Variants in TAPBP observed in about 807,000 individuals in gnomAD.
TAPBP encodes tapasin.
A neutral mutation model predicts 45.7 loss-of-function variants in TAPBP; 38 were observed. That is an observed-to-expected ratio of 0.83 (90% CI 0.64 to 1.09). The LOEUF is 1.09. TAPBP is among the 50% of genes least tolerant of loss of function. The pLI, the probability that TAPBP is intolerant of heterozygous loss-of-function variation, is 0.00. For synonymous variants in TAPBP, 226 were observed against 254.8 expected, an observed-to-expected ratio of 0.89 and a Z score of 1.08; for missense variants, 513 against 587.3, an observed-to-expected ratio of 0.87 and a Z score of 1.31.
intron 3 of TAPBP, among the ~76,000 whole-genome samples, chr6:33,309,951 C>T (rs369920900): frequency 3.3e-5 from 5 of 151,310 alleles, no homozygotes; most frequent in South Asian, 2.1e-4. Flanking sequence ...CTTGAACTTT[C>T]GACCTCAGGT....
rs751988644 is a variant in TAPBP, at chr6:33,304,152, G to C, written c.1276C>G (p.Leu426Val). The change falls in exon 6 of 8, where the codon CTC becomes GTC. Residue 426 changes from leucine to valine, a missense_variant. Coordinates refer to ENST00000434618, the MANE Select transcript of TAPBP (RefSeq NM_003190.5). ...CCAGCCCAGCCCAGTGCCTTGAAGA[G>C]CCCAAGCAGAAGAAAGGCAGACAGG... ...LFLSAFLLLGLFKALGWAAVY... is the reference protein window; with the variant it reads ...LFLSAFLLLGVFKALGWAAVY... 6.2e-7 allele frequency: 1 copy of C among 1,613,466 alleles called. No homozygotes were observed.
chr6:33,306,607 C>T (rs909689445), intron 3 of TAPBP, among the ~76,000 whole-genome samples: 4 of 152,242 alleles, frequency 2.6e-5, no homozygotes, highest in Non-Finnish European at 5.9e-5. Flanking sequence ...TATTCTCAGT[C>T]TCTCCTTCAA....
chr6:33,307,874 T>C (rs925269888), intron 3 of TAPBP, among the ~76,000 whole-genome samples: 1 of 152,240 alleles, frequency 6.6e-6, no homozygotes, highest in Non-Finnish European at 1.5e-5. Context: ...GCCTGGCATA[T>C]AGAAAATACT....
At chr6:33,301,886 G>T in intron 7 of TAPBP, 115 bp from the exon 8 acceptor site, 2 of 1,493,626 alleles carry the variant, frequency 1.3e-6, no homozygotes, top group Non-Finnish European at 1.8e-6. Flanking sequence ...AGAAGGATGA[G>T]GCTAATATTT....
chr6:33,304,942 T>G (rs1260519552), intron 4 of TAPBP, 47 bp downstream of exon 4: 1 of 1,603,756 alleles, frequency 6.2e-7, no homozygotes, highest in Non-Finnish European at 8.5e-7. Flanking sequence ...GTCCCCACAA[T>G]CCAGTGCCCA....
At chr6:33,312,977 T>G in intron 3 of TAPBP, 7 of 394,260 alleles carry the variant, frequency 1.8e-5, no homozygotes, top group Non-Finnish European at 2.7e-5. Flanking sequence ...TGCCCGGCCC[T>G]GCTTTCCCCC....
intron 7 of TAPBP, 57 bp from the exon 8 acceptor site, chr6:33,301,828 C>T: frequency 1.2e-6 from 2 of 1,613,660 alleles, no homozygotes; most frequent in Non-Finnish European, 1.7e-6. Context: ...TTGAGGTGTA[C>T]ATGGTCAGTT....
At chr6:33,301,887 G>T in intron 7 of TAPBP, 116 bp from the exon 8 acceptor site, 1 of 1,486,594 alleles carries the variant, frequency 6.7e-7, no homozygotes, top group Non-Finnish European at 9.3e-7. Context: ...GAAGGATGAG[G>T]CTAATATTTT....
chr6:33,312,452 G>A (rs1274184137), intron 3 of TAPBP, among the ~76,000 whole-genome samples: 3 of 152,120 alleles, frequency 2.0e-5, no homozygotes, highest in Non-Finnish European at 2.9e-5. Flanking sequence ...CCCCGCCTCC[G>A]CTGCCAGGAG....
At chr6:33,309,114 G>C (rs973501298) in intron 3 of TAPBP, among the ~76,000 whole-genome samples, 19 of 151,230 alleles carry the variant, frequency 1.3e-4, no homozygotes, top group African/African-American at 4.1e-4. Context: ...AGATCCACAG[G>C]CTGGGCACAG....
rs758388112 is a variant in TAPBP, at chr6:33,313,454, C to T, written c.232G>A (p.Ala78Thr). The T allele has an allele frequency of 1.3e-6, 2 of 1,585,158 alleles. No homozygotes were observed. Among genetic ancestry groups the T allele is most frequent in the Non-Finnish European group, 1.7e-6 (2 of 1,162,456 alleles). ...VHDPAGALQA[A>T]FRRYPRGAPA... ...GCGCCCCGGGGATACCGCCTGAAGG[C>T]AGCCTGGAGGGCGCCCGCGGGGTCT... Residue 78 changes from alanine (A) to threonine (T), a missense_variant, in exon 3 of 8, where the codon GCC (alanine) becomes ACC (threonine). Transcript: ENST00000434618. The surrounding 1 kb of genome is among the most constrained non-coding windows in gnomAD (Gnocchi z 7.2).
rs1412909938 is a variant in TAPBP, at chr6:33,313,976, T to C, written c.37+29A>G. The C allele has an allele frequency of 1.2e-6, 2 of 1,613,918 alleles. No homozygotes were observed. Among genetic ancestry groups the C allele is most frequent in the Non-Finnish European group, 1.7e-6 (2 of 1,180,004 alleles). On this transcript the variant is annotated intron_variant, in intron 1 of 7. Transcript: ENST00000434618. This position sits in a 1 kb window ranked among gnomAD's most constrained non-coding sequence, Gnocchi z 7.2. ...ACCTCCCTCCGCTTCCCTCTAGTTC[T>C]TGGGCGATGAGTCGCGGGGTTCGCT...
intron 3 of TAPBP, among the ~76,000 whole-genome samples, chr6:33,312,146 G>A (rs1490297493): frequency 1.3e-5 from 2 of 152,188 alleles, no homozygotes; most frequent in Admixed American, 6.5e-5. Flanking sequence ...GGTGGAGCCA[G>A]TAGCCCTAGG....
intron 3 of TAPBP, among the ~76,000 whole-genome samples, chr6:33,309,011 T>C (rs954105754): frequency 6.6e-6 from 1 of 151,906 alleles, no homozygotes; most frequent in African/African-American, 2.4e-5. Flanking sequence ...CTCATCTTCA[T>C]GGAATTGTTC....
At position 33,313,770 on chromosome 6, in the gene TAPBP, T is replaced by C; in HGVS notation, c.132A>G (p.Ala44=). The change falls in exon 2 of 8, where the codon GCA becomes GCG. Residue 44 remains alanine, a synonymous_variant. Coordinates refer to ENST00000434618, the MANE Select transcript of TAPBP (RefSeq NM_003190.5). This position sits in a 1 kb window ranked among gnomAD's most constrained non-coding sequence, Gnocchi z 7.2. ...SGKGLAKRPG[A]LLLRQGPGEP... is the part of the protein sequence containing the mutation. ...CCCCCGGTCCCTGGCGCAACAGCAGTGCACCGGGTCTCTTGGCCAGGCCCT... is the reference window on the plus strand; with the variant it reads ...CCCCCGGTCCCTGGCGCAACAGCAGCGCACCGGGTCTCTTGGCCAGGCCCT... 6.2e-7 allele frequency: 1 copy of C among 1,613,670 alleles called. No individual in the cohort carries two copies. Among genetic ancestry groups the C allele is most frequent in the Non-Finnish European group, 8.5e-7 (1 of 1,180,008 alleles).
rs1025772571 is a variant in TAPBP at position 33,313,187 on chromosome 6, C to T, written c.469+30G>A. On this transcript the variant is annotated intron_variant, in intron 3 of 7. Coordinates refer to ENST00000434618, the MANE Select transcript of TAPBP (RefSeq NM_003190.5). This position sits in a 1 kb window ranked among gnomAD's most constrained non-coding sequence, Gnocchi z 7.2. ...CTGATCTGGACCCTTAGAATCTACC[C>T]ACCCTTCTCCACCTCCCCTCCCCAG... is the stretch of plus-strand genomic sequence containing the variant. 2 of 1,588,632 alleles carry T rather than the reference C, an allele frequency of 1.3e-6. No homozygotes were observed. Among genetic ancestry groups the T allele is most frequent in the South Asian group, 1.1e-5 (1 of 89,466 alleles).
intron 3 of TAPBP, among the ~76,000 whole-genome samples, chr6:33,310,577 G>A (rs1271011112): frequency 6.7e-6 from 1 of 149,530 alleles, no homozygotes; most frequent in Non-Finnish European, 1.5e-5. Context: ...AGCAGTTTCG[G>A]AGGCCAAGGT....
chr6:33,307,779 CAA>C (rs932684971), intron 3 of TAPBP, among the ~76,000 whole-genome samples: 1 of 152,054 alleles, frequency 6.6e-6, no homozygotes, highest in African/African-American at 2.4e-5. Flanking sequence ...TATCCATATG[CAA>C]TACAGGGATA....
At position 33,313,052 on chromosome 6, in the gene TAPBP, A is replaced by T; in HGVS notation, c.469+165T>A. 5 of 599,422 alleles carry T rather than the reference A, an allele frequency of 8.3e-6. No homozygotes were observed. The highest frequency in any genetic ancestry group is 1.3e-5 in the Non-Finnish European group (5 of 375,050). 37.1% of individuals were successfully genotyped at this position (599,422 alleles called of 1,614,324 possible). On this transcript the variant is annotated intron_variant, in intron 3 of 7. Transcript: ENST00000434618. The surrounding 1 kb of genome is among the most constrained non-coding windows in gnomAD (Gnocchi z 7.2). ...TTTTAACTGGGTGAGGGCTAGAAGGAGCGGTAGAGATTGATTCATTCTAGC... is the reference window on the plus strand; with the variant it reads ...TTTTAACTGGGTGAGGGCTAGAAGGTGCGGTAGAGATTGATTCATTCTAGC...
Sources: allele counts gnomAD v4.1 joint callset (sites outside exome capture counted in the v4.1 genomes callset), GRCh38; gene constraint gnomAD v4.1.1; non-coding constraint Gnocchi (gnomAD v3.1); transcripts MANE v1.5; gene names NCBI Gene and HGNC (gene_info 2026-07-23, HGNC 2026-07-21).